PDE1C: variants seen among roughly 807,000 people sequenced by gnomAD.
PDE1C encodes dual specificity calcium/calmodulin-dependent 3',5'-cyclic nucleotide phosphodiesterase 1C.
A neutral mutation model predicts 93.1 loss-of-function variants in PDE1C; 62 were observed. The observed-to-expected ratio is 0.67, with a 90% confidence interval of 0.54 to 0.82. The LOEUF is 0.82. Among genes scored for constraint, PDE1C ranks in the 40% least tolerant of loss-of-function variants. The probability of loss-of-function intolerance (pLI) is 0.00; values close to 1 mark genes in which losing one functional copy is unlikely to be tolerated. For missense variants in PDE1C, 742 were observed against 884.6 expected (o/e 0.84, Z 2.04); for synonymous variants, 325 against 310.1 (o/e 1.05, Z -0.50).
intron 3 of PDE1C, among the ~76,000 whole-genome samples, chr7:32,138,782 G>A (rs762621573): frequency 5.9e-5 from 9 of 152,116 alleles, no homozygotes; most frequent in Non-Finnish European, 1.0e-4. Context: ...TTTTCTAAAT[G>A]TTGACCCATA....
chr7:31,705,289 C>T, the PDE1C span, among the ~76,000 whole-genome samples: 1 of 152,160 alleles, frequency 6.6e-6, no homozygotes, highest in Admixed American at 6.5e-5. Flanking sequence ...GATTTGGGAA[C>T]TTAAAGGCTC....
At chr7:31,911,260 T>C (rs1020721103) in intron 2 of PDE1C, among the ~76,000 whole-genome samples, 2 of 152,126 alleles carry the variant, frequency 1.3e-5, no homozygotes, top group Non-Finnish European at 2.9e-5. Context: ...AATTAAATAA[T>C]AACTAGGATG....
chr7:31,627,418 G>A, the PDE1C span, among the ~76,000 whole-genome samples: 1 of 152,256 alleles, frequency 6.6e-6, no homozygotes, highest in East Asian at 1.9e-4. Context: ...AGCTCTTTGG[G>A]AGGTCAAGGC....
the PDE1C span, among the ~76,000 whole-genome samples, chr7:31,722,802 G>A: frequency 6.6e-6 from 1 of 152,176 alleles, no homozygotes; most frequent in Non-Finnish European, 1.5e-5. Context: ...GGTATGAGAT[G>A]AGGTGGAGGG....
intron 2 of PDE1C, among the ~76,000 whole-genome samples, chr7:31,926,898 G>GT (rs1256073031): frequency 6.3e-5 from 9 of 143,974 alleles, no homozygotes; most frequent in Admixed American, 6.1e-4. Flanking sequence ...AGCTGCAGGA[G>GT]TTTTTTTGTT....
rs757673504 is a variant in PDE1C at position 31,824,895 on chromosome 7, T to C, written c.1378A>G (p.Thr460Ala). The C allele has an allele frequency of 1.9e-6, 3 of 1,613,192 alleles. No individual in the cohort carries two copies. The highest frequency in any genetic ancestry group is 2.5e-6 in the Non-Finnish European group (3 of 1,179,420). ...VSPLIDETSQ[T>A]GGTGQRRSSL... ...GAACGCCTCTGTCCTGTCCCACCAGTTTGAGAGGTTTCATCGATTAATGGA... is the reference window on the plus strand; with the variant it reads ...GAACGCCTCTGTCCTGTCCCACCAGCTTGAGAGGTTTCATCGATTAATGGA... The change falls in exon 13 of 18, where the codon ACT (threonine) becomes GCT (alanine). Residue 460 changes from threonine to alanine, a missense_variant. By Grantham distance (58) the Thr-to-Ala change is moderately conservative. Transcript: ENST00000396191.
chr7:32,337,506 G>C (rs1455562569), intron 1 of PDE1C, among the ~76,000 whole-genome samples: 1 of 152,172 alleles, frequency 6.6e-6, no homozygotes, highest in Non-Finnish European at 1.5e-5. Context: ...CTGCAAAGAG[G>C]GAGATGGGGA....
the PDE1C span, among the ~76,000 whole-genome samples, chr7:31,688,994 G>C: frequency 6.6e-6 from 1 of 152,234 alleles, no homozygotes; most frequent in African/African-American, 2.4e-5. Context: ...TTTGTGGTTT[G>C]TCTTTATGTC....
At chr7:32,039,960 CTG>C (rs1791595755) in intron 2 of PDE1C, among the ~76,000 whole-genome samples, 1 of 152,180 alleles carries the variant, frequency 6.6e-6, no homozygotes, top group Non-Finnish European at 1.5e-5. Flanking sequence ...ACGTAGTATA[CTG>C]TGTTTATATA....
At chr7:31,859,273 A>T (rs929505404) in intron 7 of PDE1C, among the ~76,000 whole-genome samples, 17 of 149,834 alleles carry the variant, frequency 1.1e-4, no homozygotes, top group African/African-American at 4.1e-4. Context: ...AGTATTAGAG[A>T]CTTATTTATC....
intron 17 of PDE1C, among the ~76,000 whole-genome samples, chr7:31,757,946 A>G (rs1458670952): frequency 6.6e-6 from 1 of 152,204 alleles, no homozygotes. Flanking sequence ...GCACATATAC[A>G]CCATGGAATA....
At chr7:31,992,556 T>C (rs1397101506) in intron 2 of PDE1C, among the ~76,000 whole-genome samples, 1 of 152,212 alleles carries the variant, frequency 6.6e-6, no homozygotes, top group Non-Finnish European at 1.5e-5. Flanking sequence ...TGGTTCATGT[T>C]GCATCCATAG....
intron 2 of PDE1C, among the ~76,000 whole-genome samples, chr7:32,038,083 C>A (rs1053488270): frequency 6.6e-6 from 1 of 152,130 alleles, no homozygotes; most frequent in Non-Finnish European, 1.5e-5. Flanking sequence ...CAGATCTATG[C>A]ATTGCAGAGC....
At chr7:32,208,104 T>C (rs969568781) in intron 2 of PDE1C, among the ~76,000 whole-genome samples, 3 of 152,258 alleles carry the variant, frequency 2.0e-5, no homozygotes, top group Admixed American at 2.0e-4. Context: ...GCGAGTGTTT[T>C]ATTACACAAT....
At chr7:32,136,754 A>C (rs1318247871) in intron 3 of PDE1C, among the ~76,000 whole-genome samples, 5 of 152,194 alleles carry the variant, frequency 3.3e-5, no homozygotes, top group Admixed American at 6.5e-5. Flanking sequence ...CTTTAGCTCA[A>C]TTCTTTGCCC....
intron 1 of PDE1C, among the ~76,000 whole-genome samples, chr7:32,315,009 C>A (rs1312600082): frequency 2.0e-5 from 3 of 148,680 alleles, no homozygotes; most frequent in Non-Finnish European, 4.4e-5. Context: ...CACACACACA[C>A]CCCACTTTTA....
At chr7:31,686,294 G>C in the PDE1C span, among the ~76,000 whole-genome samples, 1 of 152,112 alleles carries the variant, frequency 6.6e-6, no homozygotes, top group Non-Finnish European at 1.5e-5. Flanking sequence ...AAACCCCAGT[G>C]GGCTCTCCTC....
chr7:32,365,073 G>A (rs564367649), intron 1 of PDE1C, among the ~76,000 whole-genome samples: 1 of 152,316 alleles, frequency 6.6e-6, no homozygotes, highest in East Asian at 1.9e-4. Context: ...CAGAGCCTGA[G>A]AAACAGCCCC....
chr7:32,297,988 TCTCTCTCTC>T (rs1812702633), intron 1 of PDE1C, among the ~76,000 whole-genome samples: 2 of 43,338 alleles, frequency 4.6e-5, no homozygotes. Context: ...TCTCTCTCTC[TCTCTCTCTC>T]CTCTCTCTCT....
Sources: allele counts gnomAD v4.1 joint callset (sites outside exome capture counted in the v4.1 genomes callset), GRCh38; gene constraint gnomAD v4.1.1; transcripts MANE v1.5; gene names NCBI Gene and HGNC (gene_info 2026-07-23, HGNC 2026-07-21).